Variants in ATXN1 observed in about 807,000 individuals in gnomAD.
The protein encoded by ATXN1 is ataxin 1.
A neutral mutation model predicts 56.4 loss-of-function variants in ATXN1; 8 were observed. That is an observed-to-expected ratio of 0.14 (90% CI 0.08 to 0.26). The LOEUF is 0.26. ATXN1 is among the 10% of genes least tolerant of loss of function. ATXN1 has a pLI of 1.00. For synonymous variants in ATXN1, 514 were observed against 494.6 expected (o/e 1.04, Z -0.52); for missense variants, 987 against 1,106.5 (o/e 0.89, Z 1.53).
chr6:16,641,883 C>A (rs1763712683), intron 3 of ATXN1, among the ~76,000 whole-genome samples: 1 of 152,174 alleles, frequency 6.6e-6, no homozygotes, highest in Non-Finnish European at 1.5e-5. Context: ...AAAATATCAA[C>A]ATGAACATCA....
intron 5 of ATXN1, among the ~76,000 whole-genome samples, chr6:16,494,966 GC>G (rs1760751128): frequency 6.6e-6 from 1 of 152,166 alleles, no homozygotes; most frequent in Non-Finnish European, 1.5e-5. Flanking sequence ...CTTTCTGGTT[GC>G]CATGAGTCAT....
In ATXN1 at chr6:16,302,196, G is replaced by A. The variant is rs958422547; in HGVS notation, c.*4133C>T. The A allele has an allele frequency of 6.6e-6, 1 of 152,504 alleles. No individual in the cohort carries two copies. The highest frequency in any genetic ancestry group is 1.5e-5 in the Non-Finnish European group (1 of 68,048). 9.4% of individuals were successfully genotyped at this position (152,504 alleles called of 1,614,324 possible). On this transcript the variant is annotated 3_prime_UTR_variant, in exon 8 of 8. Transcript: ENST00000436367. ...CAGTCAAAGTGCTGCTTCTGGACAC[G>A]TCAGTGTACCACACACACACCTGCC... is the stretch of plus-strand genomic sequence containing the variant.
chr6:16,563,307 T>C, intron 4 of ATXN1, among the ~76,000 whole-genome samples: 1 of 152,062 alleles, frequency 6.6e-6, no homozygotes, highest in Non-Finnish European at 1.5e-5. Context: ...ACAGTAAGAA[T>C]TTACATCAGG....
intron 2 of ATXN1, among the ~76,000 whole-genome samples, chr6:16,709,813 T>G (rs547685651): frequency 6.6e-6 from 1 of 152,106 alleles, no homozygotes; most frequent in Admixed American, 6.6e-5. Context: ...GCAAAAATAC[T>G]TAATAAAATG....
intron 6 of ATXN1, among the ~76,000 whole-genome samples, chr6:16,457,388 A>G (rs1290058356): frequency 1.3e-5 from 2 of 150,080 alleles, no homozygotes; most frequent in Non-Finnish European, 3.0e-5. Flanking sequence ...GGAGAAGAGA[A>G]AAAAAAAAAA....
Position 16,495,326 on chromosome 6 carries a change from T to C in ATXN1, c.-298-9217A>G, listed in dbSNP as rs182200385. ...TATATGATAGTATCTTCAACTATTTTATTTGGCCTGACTTCACAAAGTACC... is the reference window on the plus strand; with the variant it reads ...TATATGATAGTATCTTCAACTATTTCATTTGGCCTGACTTCACAAAGTACC... On this transcript the variant is annotated intron_variant, in intron 5 of 7. Coordinates refer to ENST00000436367, the MANE Select transcript of ATXN1 (RefSeq NM_001128164.2). 8.5e-5 allele frequency among the ~76,000 whole-genome samples: 13 copies of C among 152,370 alleles called. No individual in the cohort carries two copies. In the East Asian group the frequency reaches 2.5e-3, roughly 29 times the overall value.
At chr6:16,610,497 TAAAAC>T (rs1055020123) in intron 3 of ATXN1, among the ~76,000 whole-genome samples, 1 of 151,678 alleles carries the variant, frequency 6.6e-6, no homozygotes, top group African/African-American at 2.4e-5. Context: ...ATAGAAGAAA[TAAAAC>T]AACTACACAG....
chr6:16,511,980 C>T (rs1010785315), intron 5 of ATXN1, among the ~76,000 whole-genome samples: 1 of 152,198 alleles, frequency 6.6e-6, no homozygotes, highest in Non-Finnish European at 1.5e-5. Flanking sequence ...CTAACCTTGC[C>T]TCTCCAGCCC....
intron 5 of ATXN1, among the ~76,000 whole-genome samples, chr6:16,497,182 A>C (rs1246066082): frequency 1.3e-5 from 2 of 152,178 alleles, no homozygotes; most frequent in Non-Finnish European, 2.9e-5. Flanking sequence ...GAAAGTCTGC[A>C]TTTATAAAAG....
chr6:16,373,382 T>C (rs1285647827), intron 6 of ATXN1, among the ~76,000 whole-genome samples: 1 of 152,226 alleles, frequency 6.6e-6, no homozygotes, highest in African/African-American at 2.4e-5. Flanking sequence ...CAAGCAATCA[T>C]TAGCAGTTAC....
intron 6 of ATXN1, among the ~76,000 whole-genome samples, chr6:16,352,661 G>T (rs915590910): frequency 6.6e-6 from 1 of 152,042 alleles, no homozygotes; most frequent in Non-Finnish European, 1.5e-5. Flanking sequence ...CAGAGTTATT[G>T]TCAGATTTCA....
chr6:16,392,322 T>TTAACAGAAA (rs1758369904), intron 6 of ATXN1, among the ~76,000 whole-genome samples: 1 of 152,192 alleles, frequency 6.6e-6, no homozygotes, highest in African/African-American at 2.4e-5. Context: ...AGAAACAGGC[T>TTAACAGAAA]AGTCTTAACA....
intron 6 of ATXN1, among the ~76,000 whole-genome samples, chr6:16,483,355 C>G: frequency 6.6e-6 from 1 of 152,186 alleles, no homozygotes; most frequent in East Asian, 1.9e-4. Flanking sequence ...TGTTTATGTG[C>G]AAACATGCAT....
intron 3 of ATXN1, among the ~76,000 whole-genome samples, chr6:16,604,357 C>T (rs1762964203): frequency 6.7e-6 from 1 of 149,860 alleles, no homozygotes; most frequent in Non-Finnish European, 1.5e-5. Context: ...ATTATCGTGG[C>T]ACGTGGTGCA....
chr6:16,471,677 G>T (rs1459290503), intron 6 of ATXN1, among the ~76,000 whole-genome samples: 1 of 136,578 alleles, frequency 7.3e-6, no homozygotes, highest in African/African-American at 2.6e-5. Context: ...GTGCGTATGT[G>T]TGCATGCATG....
chr6:16,644,248 G>A (rs1298729358), intron 3 of ATXN1, among the ~76,000 whole-genome samples: 1 of 152,234 alleles, frequency 6.6e-6, no homozygotes, highest in South Asian at 2.1e-4. Flanking sequence ...ACTGGGCCAG[G>A]TGTGGTGGCT....
chr6:16,313,123 G>T (rs141880614), intron 7 of ATXN1, among the ~76,000 whole-genome samples: 1 of 152,094 alleles, frequency 6.6e-6, no homozygotes, highest in Non-Finnish European at 1.5e-5. Flanking sequence ...TAGGTGATCC[G>T]CCTGCCTTGG....
In ATXN1 at chr6:16,563,347, G is replaced by A. The variant is rs115330971; in HGVS notation, c.-361+22433C>T. ...ATCAGTTGGGTTTGGGGGCCTCTAA[G>A]CAGCTGTGCAGGTGATGGGGATCAT... On this transcript the variant is annotated intron_variant, in intron 4 of 7. Coordinates refer to ENST00000436367, the MANE Select transcript of ATXN1 (RefSeq NM_001128164.2). Among the ~76,000 whole-genome samples, 1,238 of 152,286 alleles carry A rather than the reference G, an allele frequency of 8.1e-3. 11 individuals are homozygous for A. Among genetic ancestry groups the A allele is most frequent in the Non-Finnish European group, 0.011 (743 of 68,026 alleles).
chr6:16,472,761 G>A lies in ATXN1; in HGVS notation c.-161+13211C>T, dbSNP rs141170425. Among the ~76,000 whole-genome samples the A allele has an allele frequency of 2.1e-3, 321 of 152,284 alleles. 2 individuals are homozygous for A. The highest frequency in any genetic ancestry group is 7.1e-3 in the African/African-American group (296 of 41,558). ...CAAACCCTCTCCTGTCTTTGAAAAT[G>A]CATCCCATTCAGTTAGCAGTGCTGG... is the stretch of plus-strand genomic sequence containing the variant. On this transcript the variant is annotated intron_variant, in intron 6 of 7. Transcript: ENST00000436367.
Sources: gnomAD v4.1 joint callset for allele counts (sites outside exome capture counted in the v4.1 genomes callset) on GRCh38, gnomAD v4.1.1 for gene constraint, MANE v1.5 for transcripts, NCBI Gene and HGNC (gene_info 2026-07-23, HGNC 2026-07-21) for gene names.